COG7: variants seen among roughly 807,000 people sequenced by gnomAD.
COG7 encodes the protein component of oligomeric golgi complex 7, also known as conserved oligomeric Golgi complex subunit 7.
In COG7, 49 loss-of-function variants were observed where a neutral mutation model predicts 91.5. That is an observed-to-expected ratio of 0.54 (90% CI 0.43 to 0.68). The LOEUF is 0.68. Among genes scored for constraint, COG7 ranks in the 30% least tolerant of loss-of-function variants. COG7 has a pLI of 0.00. For missense variants in COG7, 895 were observed against 961.3 expected (o/e 0.93, Z 0.91); for synonymous variants, 365 against 388.7 (o/e 0.94, Z 0.72).
At chr16:23,416,914 G>C in intron 9 of COG7, 53 bp downstream of exon 9, 1 of 1,609,214 alleles carries the variant, frequency 6.2e-7, no homozygotes, top group South Asian at 1.1e-5. Flanking sequence ...TTTTTATCTG[G>C]GACAGACACT....
chr16:23,433,894 T>G (rs1451926918), intron 5 of COG7, among the ~76,000 whole-genome samples: 1 of 151,914 alleles, frequency 6.6e-6, no homozygotes, highest in African/African-American at 2.4e-5. Flanking sequence ...TGTGATCCCC[T>G]CTCCATTTAT....
At chr16:23,420,212 G>A (rs1177699102) in intron 7 of COG7, among the ~76,000 whole-genome samples, 1 of 152,152 alleles carries the variant, frequency 6.6e-6, no homozygotes, top group East Asian at 1.9e-4. Context: ...TGTAAAACAC[G>A]CTGTATCAGA....
chr16:23,407,085 A>G (rs9924872), intron 11 of COG7, among the ~76,000 whole-genome samples: 12,445 of 152,272 alleles, frequency 0.082, 902 homozygotes, highest in African/African-American at 0.19. Flanking sequence ...TTATGAAAAC[A>G]TTGCTTTGGA....
At chr16:23,409,064 C>CGTGTGTGT (rs139188327) in intron 11 of COG7, among the ~76,000 whole-genome samples, 1 of 141,408 alleles carries the variant, frequency 7.1e-6, no homozygotes, top group Admixed American at 7.0e-5. Flanking sequence ...AGTGTGCATG[C>CGTGTGTGT]GTGTGTGTGT....
At chr16:23,436,381 G>A (rs1964013608) in intron 4 of COG7, among the ~76,000 whole-genome samples, 1 of 152,110 alleles carries the variant, frequency 6.6e-6, no homozygotes, top group Non-Finnish European at 1.5e-5. Context: ...GTCATTTTAG[G>A]AGATGGAAAA....
At chr16:23,438,961 C>T (rs1335612937) in intron 4 of COG7, among the ~76,000 whole-genome samples, 1 of 151,902 alleles carries the variant, frequency 6.6e-6, no homozygotes, top group Non-Finnish European at 1.5e-5. Context: ...AGTTCGAGAC[C>T]AGCCTGGCCA....
chr16:23,449,697 C>T (rs1366815930), intron 1 of COG7, among the ~76,000 whole-genome samples: 4 of 149,844 alleles, frequency 2.7e-5, no homozygotes, highest in Non-Finnish European at 3.0e-5. Flanking sequence ...GCCGCGATCA[C>T]GCCATTGCAC....
chr16:23,418,862 C>A (rs898119862), intron 7 of COG7, 35 bp from the exon 8 acceptor site: 2 of 1,603,890 alleles, frequency 1.2e-6, no homozygotes, highest in African/African-American at 2.7e-5. Flanking sequence ...CGATAATGAA[C>A]AAAGAATCTG....
chr16:23,396,811 CT>C (rs1174037740), intron 14 of COG7, among the ~76,000 whole-genome samples: 1 of 152,162 alleles, frequency 6.6e-6, no homozygotes, highest in African/African-American at 2.4e-5. Flanking sequence ...TTGTTTTAGA[CT>C]TGATACTGCC....
At chr16:23,434,812 T>C (rs568463673) in intron 4 of COG7, 94 bp from the exon 5 acceptor site, 11 of 817,364 alleles carry the variant, frequency 1.3e-5, no homozygotes, top group Middle Eastern at 4.7e-4. Context: ...ATATGGAAGC[T>C]AGTATTCACA....
At chr16:23,407,654 G>T (rs911195187) in intron 11 of COG7, among the ~76,000 whole-genome samples, 1 of 152,162 alleles carries the variant, frequency 6.6e-6, no homozygotes, top group African/African-American at 2.4e-5. Context: ...CCCTCCAACT[G>T]GACGGTGAGG....
chr16:23,414,485 C>T (rs941659332), intron 9 of COG7: 6 of 152,332 alleles, frequency 3.9e-5, no homozygotes, highest in African/African-American at 1.4e-4. Flanking sequence ...AAAAATTAGC[C>T]TGGCGTGGTG....
At position 23,445,980 on chromosome 16, in the gene COG7, AAAAAAAC is replaced by A; in HGVS notation, c.170-26_170-20del. 1 of 1,608,304 alleles carries A rather than the reference AAAAAAAC, an allele frequency of 6.2e-7. No homozygotes were observed. The highest frequency in any genetic ancestry group is 1.3e-5 in the African/African-American group (1 of 74,656). ...CTTGTTTCTGTAGTTAAAAAAAAAA[AAAAAAAC>A]AACAACAACAGCGATAGCCACAAAA... On this transcript the variant is annotated intron_variant, in intron 1 of 16. Coordinates refer to ENST00000307149, the MANE Select transcript of COG7 (RefSeq NM_153603.4).
intron 10 of COG7, 31 bp downstream of exon 10, chr16:23,413,417 G>A (rs564115833): frequency 1.8e-6 from 2 of 1,088,400 alleles, no homozygotes; most frequent in African/African-American, 3.1e-5. Flanking sequence ...GCTACATTAG[G>A]AACAAGCTTG....
At chr16:23,418,456 A>C (rs776222170) in intron 8 of COG7, among the ~76,000 whole-genome samples, 4 of 152,150 alleles carry the variant, frequency 2.6e-5, no homozygotes, top group Non-Finnish European at 5.9e-5. Context: ...AGTGAGTTGT[A>C]ATCAATCGCA....
At chr16:23,417,288 C>T in intron 8 of COG7, 167 bp from the exon 9 acceptor site, 2 of 693,770 alleles carry the variant, frequency 2.9e-6, no homozygotes, top group Non-Finnish European at 5.0e-6. Flanking sequence ...CAAGGGAGAA[C>T]AGTCTAAGTC....
chr16:23,409,441 C>G (rs1694081846), intron 11 of COG7, among the ~76,000 whole-genome samples: 1 of 152,132 alleles, frequency 6.6e-6, no homozygotes, highest in Non-Finnish European at 1.5e-5. Flanking sequence ...TCCTAGCACC[C>G]ATTACTTACT....
At chr16:23,445,270 A>G in intron 2 of COG7, 106 bp from the exon 3 acceptor site, 1 of 826,184 alleles carries the variant, frequency 1.2e-6, no homozygotes, top group African/African-American at 1.7e-5. Context: ...GTCTTTAGGG[A>G]GCTTCTGTCT....
At chr16:23,445,744 T>TA (rs1964171079) in intron 2 of COG7, 69 bp downstream of exon 2, 1 of 1,518,648 alleles carries the variant, frequency 6.6e-7, no homozygotes, top group African/African-American at 1.4e-5. Context: ...CTAAAGCCCT[T>TA]ACGAGAGTGA....
Sources: allele counts gnomAD v4.1 joint callset (sites outside exome capture counted in the v4.1 genomes callset), GRCh38; gene constraint gnomAD v4.1.1; transcripts MANE v1.5; gene names NCBI Gene and HGNC (gene_info 2026-07-23, HGNC 2026-07-21).